PRUNE2: variants seen among roughly 807,000 people sequenced by gnomAD.
The protein encoded by PRUNE2 is prune homolog 2 with BCH domain, also known as protein prune homolog 2.
Under a neutral mutation model 252.0 loss-of-function variants are expected in PRUNE2, and 164 were observed. That is an observed-to-expected ratio of 0.65 (90% confidence interval 0.57 to 0.74). PRUNE2 has a LOEUF of 0.74. Among genes scored for constraint, PRUNE2 ranks in the 30% least tolerant of loss-of-function variants. The pLI is 0.00. For synonymous variants in PRUNE2, 1,292 were observed against 1,350.2 expected (o/e 0.96, Z 0.94); for missense variants, 3,495 against 3,711.0 (o/e 0.94, Z 1.51).
rs60478044 is a variant in PRUNE2, at chr9:76,641,938, G to T, written c.8728+2801C>A. The T allele has an allele frequency of 9.7e-4, 1,475 of 1,525,820 alleles. 10 individuals carry two copies. The African/African-American group carries it at 0.019, about 20-fold the overall frequency. The allele number at this position is 1,525,820 out of a possible 1,614,324, so 94.5% of individuals were successfully genotyped here. On this transcript the variant is annotated intron_variant, in intron 12 of 18. Coordinates refer to ENST00000376718, the MANE Select transcript of PRUNE2 (RefSeq NM_015225.3). ...AACTCTTCTCCTCATTCTTTCCAGGGTCATTTGTCCAGCAAGACTTCAGAG... is the reference window on the plus strand; with the variant it reads ...AACTCTTCTCCTCATTCTTTCCAGGTTCATTTGTCCAGCAAGACTTCAGAG...
chr9:76,710,477 T>C lies in PRUNE2; in HGVS notation c.1797A>G (p.Glu599=). The C allele has an allele frequency of 6.2e-7, 1 of 1,613,986 alleles. No individual in the cohort carries two copies. The highest frequency in any genetic ancestry group is 1.1e-5 in the South Asian group (1 of 91,078). Residue 599 remains glutamate, a synonymous_variant, in exon 8 of 19, where the codon GAA becomes GAG. Coordinates refer to ENST00000376718, the MANE Select transcript of PRUNE2 (RefSeq NM_015225.3). ...DFVGDESPSP[E]RLKNTGKRIP... ...TCCTCTTTCCAGTATTTTTTAGCCT[T>C]TCTGGGGAAGGGGATTCATCTCCCA...
chr9:76,634,464 A>G (rs1839134733), intron 15 of PRUNE2, among the ~76,000 whole-genome samples: 1 of 152,212 alleles, frequency 6.6e-6, no homozygotes, highest in South Asian at 2.1e-4. Flanking sequence ...TTTTGCAAAG[A>G]CTAGCTGAGT....
intron 4 of PRUNE2, among the ~76,000 whole-genome samples, chr9:76,833,312 T>C (rs1011775232): frequency 6.6e-6 from 1 of 152,110 alleles, no homozygotes; most frequent in Non-Finnish European, 1.5e-5. Context: ...TCAGTTATAA[T>C]TGATCATATT....
chr9:76,830,126 T>C (rs2058584474), intron 4 of PRUNE2, among the ~76,000 whole-genome samples: 2 of 152,236 alleles, frequency 1.3e-5, no homozygotes, highest in Admixed American at 6.5e-5. Flanking sequence ...GGGAAAAGAT[T>C]AGTGAATTAG....
In PRUNE2 at chr9:76,731,617, C is replaced by T. The variant is rs149408591; in HGVS notation, c.757-17896G>A. On this transcript the variant is annotated intron_variant, in intron 6 of 18. Coordinates refer to ENST00000376718, the MANE Select transcript of PRUNE2 (RefSeq NM_015225.3). Reference sequence around the variant, plus strand: ...TGCTGGGATTGCAGACCACCATGCCCGGCAGGAACAATAAATATATTTTTT... The same window carrying T: ...TGCTGGGATTGCAGACCACCATGCCTGGCAGGAACAATAAATATATTTTTT... Among the ~76,000 whole-genome samples, 433 of 152,102 alleles carry T rather than the reference C, an allele frequency of 2.8e-3. 4 individuals are homozygous for T. The highest frequency in any genetic ancestry group is 0.01 in the African/African-American group (419 of 41,486).
At chr9:76,860,569 A>T (rs1306901792) in intron 1 of PRUNE2, among the ~76,000 whole-genome samples, 2 of 152,240 alleles carry the variant, frequency 1.3e-5, no homozygotes, top group African/African-American at 4.8e-5. Flanking sequence ...TACAGTTATA[A>T]GATGACTTTT....
chr9:76,809,969 T>C (rs1222677298), intron 6 of PRUNE2, among the ~76,000 whole-genome samples: 1 of 152,186 alleles, frequency 6.6e-6, no homozygotes, highest in Non-Finnish European at 1.5e-5. Flanking sequence ...GACTATAGTG[T>C]AGGTTGAGAG....
chr9:76,785,033 T>A (rs1246438161), intron 6 of PRUNE2: 1 of 152,224 alleles, frequency 6.6e-6, no homozygotes, highest in Non-Finnish European at 1.5e-5. Flanking sequence ...TGTTTGATTT[T>A]TTTTCCAGTA....
chr9:76,842,931 A>T (rs1228038524), intron 4 of PRUNE2, among the ~76,000 whole-genome samples: 1 of 152,216 alleles, frequency 6.6e-6, no homozygotes. Context: ...TTCCTCAGGG[A>T]TCTAGAACAA....
At chr9:76,826,775 A>G in intron 4 of PRUNE2, 43 bp from the exon 5 acceptor site, 1 of 1,486,164 alleles carries the variant, frequency 6.7e-7, no homozygotes, top group Admixed American at 2.0e-5. Flanking sequence ...TTTCCAGCCA[A>G]GCCAGAACAG....
intron 16 of PRUNE2, chr9:76,625,001 A>C (rs1271254377): frequency 7.7e-7 from 1 of 1,297,628 alleles, no homozygotes; most frequent in Non-Finnish European, 1.0e-6. Flanking sequence ...TCCAGCATGA[A>C]TAGGAGATCA....
chr9:76,711,148 C>A lies in PRUNE2; in HGVS notation c.1126G>T (p.Ala376Ser), dbSNP rs2046697981. The A allele has an allele frequency of 6.2e-7, 1 of 1,613,822 alleles. No homozygotes were observed. The highest frequency in any genetic ancestry group is 1.1e-5 in the South Asian group (1 of 91,066). Residue 376 changes from alanine to serine, a missense_variant, in exon 8 of 19, where the codon GCC (alanine) becomes TCC (serine). By Grantham distance (99) the Ala-to-Ser change is moderately conservative. Transcript: ENST00000376718. ...TSSTEAVAGS[A>S]PLSQGSSGIM... Reference sequence around the variant, plus strand: ...CCAGAAGACCCCTGGGAGAGGGGGGCACTGCCTGCCACGGCTTCTGTTGAG... The same window carrying A: ...CCAGAAGACCCCTGGGAGAGGGGGGAACTGCCTGCCACGGCTTCTGTTGAG...
At chr9:76,820,549 C>G (rs1166728027) in intron 6 of PRUNE2, among the ~76,000 whole-genome samples, 1 of 152,168 alleles carries the variant, frequency 6.6e-6, no homozygotes, top group African/African-American at 2.4e-5. Flanking sequence ...AAGGCCATGA[C>G]TTACACAACG....
Position 76,705,502 on chromosome 9 carries a change from C to G in PRUNE2, c.6772G>C (p.Glu2258Gln). The change falls in exon 8 of 19, where the codon GAA (glutamate) becomes CAA (glutamine). Residue 2258 changes from glutamate to glutamine, a missense_variant. Physicochemically the swap from Glu to Gln is conservative, Grantham distance 29. Transcript: ENST00000376718. Reference protein sequence around the residue: ...GSWISDSFSPESQPGARALFD... With the variant: ...GSWISDSFSPQSQPGARALFD... ...AAAGCTCTTGCACCAGGCTGACTTT[C>G]AGGAGAAAAGCTGTCTGATATCCAA... is the stretch of plus-strand genomic sequence containing the variant. The G allele has an allele frequency of 1.9e-6, 3 of 1,613,992 alleles. No individual in the cohort carries two copies. Among genetic ancestry groups the G allele is most frequent in the Non-Finnish European group, 2.5e-6 (3 of 1,179,868 alleles).
intron 6 of PRUNE2, among the ~76,000 whole-genome samples, chr9:76,813,515 A>G (rs2057492584): frequency 6.6e-6 from 1 of 152,224 alleles, no homozygotes; most frequent in Non-Finnish European, 1.5e-5. Context: ...ACAAATAAGG[A>G]AATATTCTTC....
At chr9:76,739,117 T>C (rs1405474181) in intron 6 of PRUNE2, 7 of 152,206 alleles carry the variant, frequency 4.6e-5, no homozygotes, top group African/African-American at 1.7e-4. Flanking sequence ...GATTACCTCG[T>C]ATATTCCACT....
chr9:76,713,895 T>C (rs954969249), intron 6 of PRUNE2, among the ~76,000 whole-genome samples, 174 bp from the exon 7 acceptor site: 4 of 152,218 alleles, frequency 2.6e-5, no homozygotes, highest in Non-Finnish European at 5.9e-5. Flanking sequence ...TGGCTTAAAA[T>C]ACACTTTGCT....
intron 6 of PRUNE2, among the ~76,000 whole-genome samples, chr9:76,721,850 G>A (rs1372586001): frequency 1.3e-5 from 2 of 151,990 alleles, no homozygotes; most frequent in East Asian, 1.9e-4. Flanking sequence ...TAACTTGAAG[G>A]GATTATGATT....
intron 1 of PRUNE2, chr9:76,856,325 A>G (rs1468335359): frequency 6.6e-6 from 1 of 152,216 alleles, no homozygotes; most frequent in Admixed American, 6.5e-5. Context: ...GAAATACAGC[A>G]AGACTTCAGA....
Sources: allele counts gnomAD v4.1 joint callset (sites outside exome capture counted in the v4.1 genomes callset), GRCh38; gene constraint gnomAD v4.1.1; transcripts MANE v1.5; gene names NCBI Gene and HGNC (gene_info 2026-07-23, HGNC 2026-07-21).